Variants in ASIC2 observed in about 807,000 individuals in gnomAD.
The protein encoded by ASIC2 is acid sensing ion channel subunit 2.
ASIC2 carries 25 observed loss-of-function variants against 57.3 expected under a neutral mutation model. The observed-to-expected ratio is 0.44, with a 90% CI of 0.32 to 0.61. The LOEUF is 0.61. Ranked by LOEUF, ASIC2 falls within the 20% of genes least tolerant of loss-of-function variation. ASIC2 has a pLI of 0.06. For synonymous variants in ASIC2, 319 were observed against 307.5 expected, an observed-to-expected ratio of 1.04 and a Z score of -0.39; for missense variants, 641 against 738.1, an observed-to-expected ratio of 0.87 and a Z score of 1.52.
intron 1 of ASIC2, among the ~76,000 whole-genome samples, chr17:33,171,055 T>C (rs1286932141): frequency 6.6e-6 from 1 of 152,228 alleles, no homozygotes; most frequent in African/African-American, 2.4e-5. Context: ...CTCCAACATC[T>C]GCATGTTCAA....
chr17:33,697,529 T>C (rs1908564789), intron 1 of ASIC2, among the ~76,000 whole-genome samples: 1 of 152,172 alleles, frequency 6.6e-6, no homozygotes, highest in South Asian at 2.1e-4. Flanking sequence ...AAAGGGACGG[T>C]TCCCTTTTGA....
intron 1 of ASIC2, among the ~76,000 whole-genome samples, chr17:33,515,881 A>C (rs892429015): frequency 6.6e-6 from 1 of 151,888 alleles, no homozygotes; most frequent in Non-Finnish European, 1.5e-5. Flanking sequence ...GGATTGCTTG[A>C]CCTCAGAAGT....
At chr17:33,598,021 G>C (rs949770655) in intron 1 of ASIC2, among the ~76,000 whole-genome samples, 1 of 152,044 alleles carries the variant, frequency 6.6e-6, no homozygotes, top group Non-Finnish European at 1.5e-5. Context: ...TTGTGATGTT[G>C]CTTTAATAAT....
At chr17:34,126,002 A>G (rs970542653) in intron 1 of ASIC2, among the ~76,000 whole-genome samples, 4 of 152,156 alleles carry the variant, frequency 2.6e-5, no homozygotes, top group African/African-American at 9.7e-5. Context: ...GCGGAGTGGG[A>G]CTGTGGACTA....
intron 1 of ASIC2, among the ~76,000 whole-genome samples, chr17:33,192,925 C>T (rs1233263454): frequency 6.6e-6 from 1 of 151,950 alleles, no homozygotes; most frequent in Non-Finnish European, 1.5e-5. Context: ...GAAAAAATAC[C>T]TCTGGCCATA....
intron 1 of ASIC2, among the ~76,000 whole-genome samples, chr17:33,352,472 G>A (rs1238286294): frequency 6.6e-6 from 1 of 152,124 alleles, no homozygotes; most frequent in Non-Finnish European, 1.5e-5. Context: ...TGACTAACAT[G>A]GCTCTCCCTG....
rs2092361775 is a variant in ASIC2 at position 33,134,860 on chromosome 17, G to A, written c.709-22793C>T. On this transcript the variant is annotated intron_variant, in intron 1 of 9. Coordinates refer to ENST00000225823, the MANE Select transcript of ASIC2 (RefSeq NM_183377.2). ...GACTGGCATTCTCAGACTCTAATAA[G>A]TTCTGTACTGGGCTTTCTGTGGCTG... 4.6e-5 allele frequency among the ~76,000 whole-genome samples: 7 copies of A among 152,214 alleles called. No homozygotes were observed. In the South Asian group the frequency reaches 1.4e-3, roughly 32 times the overall value.
At chr17:33,667,193 G>A (rs1218750353) in intron 1 of ASIC2, among the ~76,000 whole-genome samples, 12 of 152,266 alleles carry the variant, frequency 7.9e-5, no homozygotes. Context: ...TGTGCATCTG[G>A]CAGCTTGGAA....
At chr17:33,529,357 G>A (rs1914979635) in intron 1 of ASIC2, among the ~76,000 whole-genome samples, 1 of 152,110 alleles carries the variant, frequency 6.6e-6, no homozygotes, top group African/African-American at 2.4e-5. Context: ...TACACCTGGG[G>A]CTGAGAACCA....
At chr17:33,212,468 C>T (rs774773781) in intron 1 of ASIC2, among the ~76,000 whole-genome samples, 1 of 152,202 alleles carries the variant, frequency 6.6e-6, no homozygotes, top group Non-Finnish European at 1.5e-5. Flanking sequence ...CAGCCCTGCT[C>T]ACACCTTGAT....
chr17:33,857,625 G>A (rs778493422), intron 1 of ASIC2, among the ~76,000 whole-genome samples: 2 of 152,158 alleles, frequency 1.3e-5, no homozygotes, highest in Non-Finnish European at 2.9e-5. Context: ...AGATGCAAAC[G>A]TCAAAGCTCA....
chr17:33,574,728 A>G (rs1916561992), intron 1 of ASIC2, among the ~76,000 whole-genome samples: 1 of 152,202 alleles, frequency 6.6e-6, no homozygotes, highest in Non-Finnish European at 1.5e-5. Context: ...TCTTTACAAA[A>G]ATATTCTAGG....
intron 1 of ASIC2, among the ~76,000 whole-genome samples, chr17:33,404,158 A>G (rs1023041410): frequency 6.6e-6 from 1 of 152,180 alleles, no homozygotes; most frequent in African/African-American, 2.4e-5. Flanking sequence ...AGGCATGCTT[A>G]GTGGTTGCTA....
At chr17:34,011,035 A>G (rs1363842646) in intron 1 of ASIC2, among the ~76,000 whole-genome samples, 6 of 46,080 alleles carry the variant, frequency 1.3e-4, no homozygotes, top group African/African-American at 2.6e-4. Flanking sequence ...AGACACATGC[A>G]CACACACACA....
At chr17:34,077,440 G>C (rs530606114) in intron 1 of ASIC2, among the ~76,000 whole-genome samples, 8 of 152,250 alleles carry the variant, frequency 5.3e-5, no homozygotes, top group African/African-American at 1.9e-4. Flanking sequence ...CGGAGGCTGT[G>C]AAGCCAGCAA....
At chr17:33,357,331 C>T (rs1342091695) in intron 1 of ASIC2, among the ~76,000 whole-genome samples, 4 of 152,142 alleles carry the variant, frequency 2.6e-5, no homozygotes, top group African/African-American at 7.2e-5. Flanking sequence ...TATCAGGAAG[C>T]TGAAGCCCAG....
intron 1 of ASIC2, among the ~76,000 whole-genome samples, chr17:33,188,344 A>G (rs1459382956): frequency 6.6e-6 from 1 of 152,120 alleles, no homozygotes; most frequent in East Asian, 1.9e-4. Context: ...AAAAAGACCT[A>G]ATAGTCATGT....
At chr17:34,145,821 C>A (rs1912402172) in intron 1 of ASIC2, among the ~76,000 whole-genome samples, 1 of 152,232 alleles carries the variant, frequency 6.6e-6, no homozygotes, top group Non-Finnish European at 1.5e-5. Context: ...CCATACATCT[C>A]TCACTGCCTT....
chr17:33,139,166 A>G (rs2092377893), intron 1 of ASIC2, among the ~76,000 whole-genome samples: 2 of 152,160 alleles, frequency 1.3e-5, no homozygotes. Flanking sequence ...CCTGGATTCC[A>G]GGGCTGCCAG....
Sources: gnomAD v4.1 joint callset for allele counts (sites outside exome capture counted in the v4.1 genomes callset) on GRCh38, gnomAD v4.1.1 for gene constraint, MANE v1.5 for transcripts, NCBI Gene and HGNC (gene_info 2026-07-23, HGNC 2026-07-21) for gene names.